The following MRPL45 variants were observed in gnomAD, a reference collection of about 807,000 sequenced individuals.
MRPL45 encodes the protein mitochondrial ribosomal protein L45.
A neutral mutation model predicts 38.1 loss-of-function variants in MRPL45; 20 were observed. That is an observed-to-expected ratio of 0.53 (90% CI 0.37 to 0.76). The LOEUF is 0.76. Ranked by LOEUF, MRPL45 falls within the 30% of genes least tolerant of loss-of-function variation. The probability of loss-of-function intolerance (pLI) is 0.00; values close to 1 mark genes in which losing one functional copy is unlikely to be tolerated. For synonymous variants in MRPL45, 105 were observed against 128.8 expected (o/e 0.82, Z 1.25); for missense variants, 337 against 395.6 (o/e 0.85, Z 1.26).
intron 3 of MRPL45, among the ~76,000 whole-genome samples, chr17:38,303,735 T>C (rs2037023611): frequency 1.3e-5 from 2 of 149,042 alleles, no homozygotes; most frequent in Middle Eastern, 7.0e-3. Flanking sequence ...TCTTCTTTTC[T>C]TTTTTTTTTG....
intron 4 of MRPL45, among the ~76,000 whole-genome samples, chr17:38,311,074 A>T (rs552925777): frequency 6.6e-6 from 1 of 152,314 alleles, no homozygotes; most frequent in African/African-American, 2.4e-5. Flanking sequence ...ATTCAGTGGC[A>T]TTAAGTACAT....
In MRPL45 at chr17:38,297,211, T is replaced by C; in HGVS notation, c.28T>C (p.Ser10Pro). 6.2e-7 allele frequency: 1 copy of C among 1,614,230 alleles called. No homozygotes were observed. Among genetic ancestry groups the C allele is most frequent in the Non-Finnish European group, 8.5e-7 (1 of 1,180,046 alleles). ...GGCAGCCCCCATACCTCAAGGGTTC[T>C]CTTGTTTATCGAGGTTTTTGGGCTG... MAAPIPQGF[S>P]CLSRFLGWWS... The change falls in exon 1 of 8, where the codon TCT (serine) becomes CCT (proline). Residue 10 changes from serine (S) to proline (P), a missense_variant. This residue lies in a region of MRPL45 where 26 missense variants were observed against 16.9 expected (regional missense o/e 1.54). Coordinates refer to ENST00000613675, the MANE Select transcript of MRPL45 (RefSeq NM_032351.6).
At chr17:38,314,310 G>A (rs2037153876) in intron 4 of MRPL45, among the ~76,000 whole-genome samples, 1 of 152,008 alleles carries the variant, frequency 6.6e-6, no homozygotes, top group Admixed American at 6.6e-5. Context: ...CACCATGTTG[G>A]ACAGGCTGGT....
chr17:38,309,658 C>T (rs867479850), intron 4 of MRPL45, among the ~76,000 whole-genome samples: 5 of 150,860 alleles, frequency 3.3e-5, no homozygotes, highest in Admixed American at 6.6e-5. Flanking sequence ...AGGGTCTGGC[C>T]TTGTTGCCCA....
chr17:38,320,494 G>T, intron 5 of MRPL45, 124 bp from the exon 6 acceptor site: 1 of 955,616 alleles, frequency 1.0e-6, no homozygotes, highest in South Asian at 1.6e-5. Flanking sequence ...GCACAAGAGA[G>T]CATGTGGTGG....
At chr17:38,299,885 T>C (rs555026700) in intron 3 of MRPL45, among the ~76,000 whole-genome samples, 2 of 150,052 alleles carry the variant, frequency 1.3e-5, no homozygotes, top group African/African-American at 2.5e-5. Context: ...TACAGGCATG[T>C]GCCACCATGC....
Position 38,300,032 on chromosome 17 carries a change from G to A in MRPL45, c.362+564G>A, listed in dbSNP as rs557477731. Among the ~76,000 whole-genome samples the A allele has an allele frequency of 2.6e-3, 394 of 151,678 alleles. 1 individual carries two copies. The highest frequency in any genetic ancestry group is 4.3e-3 in the Non-Finnish European group (292 of 67,944). ...TGGGATTACAGGTGAGAGCCACCAC[G>A]CCCAGCCCTTTATTTATTTATTTAT... On this transcript the variant is annotated intron_variant, in intron 3 of 7. Coordinates refer to ENST00000613675, the MANE Select transcript of MRPL45 (RefSeq NM_032351.6).
chr17:38,315,189 G>C (rs2037161767), intron 4 of MRPL45, among the ~76,000 whole-genome samples: 1 of 152,032 alleles, frequency 6.6e-6, no homozygotes, highest in South Asian at 2.1e-4. Context: ...TTTTCTTGTG[G>C]TTTTGAGTTA....
chr17:38,308,852 AAATT>A (rs1178493146), intron 4 of MRPL45, among the ~76,000 whole-genome samples: 1 of 151,576 alleles, frequency 6.6e-6, no homozygotes, highest in Non-Finnish European at 1.5e-5. Context: ...TTCTGTTGAG[AAATT>A]AACTTTTTTT....
At chr17:38,318,994 ATTTTTTATTTATTTATTTATTTATTTAT>A (rs1215865884) in intron 5 of MRPL45, among the ~76,000 whole-genome samples, 1 of 140,094 alleles carries the variant, frequency 7.1e-6, no homozygotes, top group African/African-American at 2.7e-5. Flanking sequence ...TGCCCAGCTA[ATTTTTTATTTATTTATTTATTTATTTAT>A]TTATTTATTT....
At chr17:38,313,437 G>C (rs1268479059) in intron 4 of MRPL45, among the ~76,000 whole-genome samples, 1 of 134,494 alleles carries the variant, frequency 7.4e-6, no homozygotes, top group Non-Finnish European at 1.5e-5. Context: ...GCCCAAGCTG[G>C]TCTCAAACTC....
chr17:38,309,543 AT>A (rs59032928), intron 4 of MRPL45, among the ~76,000 whole-genome samples: 126,661 of 147,106 alleles, frequency 0.86, 55,225 homozygotes, highest in South Asian at 0.93. Context: ...AAAAAAAAAG[AT>A]TTTTTTTCTT....
At chr17:38,311,141 C>G (rs1385593876) in intron 4 of MRPL45, among the ~76,000 whole-genome samples, 1 of 152,130 alleles carries the variant, frequency 6.6e-6, no homozygotes, top group East Asian at 1.9e-4. Context: ...TCATCTCAGA[C>G]AGGAATTTTA....
intron 4 of MRPL45, among the ~76,000 whole-genome samples, chr17:38,307,460 G>A (rs1017681453): frequency 2.0e-5 from 3 of 151,928 alleles, no homozygotes; most frequent in African/African-American, 7.3e-5. Flanking sequence ...TACTTAGTCC[G>A]TCAAGTAGAG....
intron 2 of MRPL45, 69 bp downstream of exon 2, chr17:38,298,695 G>A (rs2036961913): frequency 6.8e-7 from 1 of 1,469,256 alleles, no homozygotes. Context: ...GGGATGACTT[G>A]GACTATGATT....
intron 4 of MRPL45, among the ~76,000 whole-genome samples, chr17:38,314,852 T>C (rs2037158373): frequency 6.6e-6 from 1 of 152,184 alleles, no homozygotes; most frequent in South Asian, 2.1e-4. Flanking sequence ...TTTGCAGAAA[T>C]AGAGAAACAC....
At position 38,322,612 on chromosome 17, in the gene MRPL45, T is replaced by C; in HGVS notation, c.*17T>C. ...CTAGCCTGATGACAAAAATGACTTC[T>C]AGGGTGAAGCCTGGGTGATGAGGCT... is the stretch of plus-strand genomic sequence containing the variant. On this transcript the variant is annotated 3_prime_UTR_variant, in exon 8 of 8. Transcript: ENST00000613675. The C allele has an allele frequency of 3.1e-6, 5 of 1,600,974 alleles. No homozygotes were observed. The highest frequency in any genetic ancestry group is 4.3e-6 in the Non-Finnish European group (5 of 1,170,482).
chr17:38,313,329 T>TAC (rs2037138793), intron 4 of MRPL45, among the ~76,000 whole-genome samples: 2 of 16,572 alleles, frequency 1.2e-4, no homozygotes, highest in African/African-American at 4.8e-4. Context: ...TATATATATA[T>TAC]ATACATATAT....
intron 1 of MRPL45, among the ~76,000 whole-genome samples, 191 bp from the exon 2 acceptor site, chr17:38,298,258 G>A (rs1410875157): frequency 6.6e-6 from 1 of 152,006 alleles, no homozygotes; most frequent in Non-Finnish European, 1.5e-5. Context: ...GTTAATAAAG[G>A]TTGCTAACTG....
Sources: allele counts gnomAD v4.1 joint callset (sites outside exome capture counted in the v4.1 genomes callset), GRCh38; gene constraint gnomAD v4.1.1; regional missense constraint gnomAD v4.1.1; transcripts MANE v1.5; gene names NCBI Gene and HGNC (gene_info 2026-07-23, HGNC 2026-07-21).